PLCG2: variants seen among roughly 807,000 people sequenced by gnomAD.
PLCG2 encodes phospholipase C gamma 2, also known as 1-phosphatidylinositol 4,5-bisphosphate phosphodiesterase gamma-2.
In PLCG2, 69 loss-of-function variants were observed where a neutral mutation model predicts 175.6. That is an observed-to-expected ratio of 0.39 (90% CI 0.32 to 0.48). The LOEUF is 0.48. PLCG2 is among the 20% of genes least tolerant of loss of function. The probability of loss-of-function intolerance (pLI) is 0.91; values close to 1 mark genes in which losing one functional copy is unlikely to be tolerated. For synonymous variants in PLCG2, 827 were observed against 624.0 expected, an observed-to-expected ratio of 1.33 and a Z score of -4.85; for missense variants, 1,798 against 1,650.9, an observed-to-expected ratio of 1.09 and a Z score of -1.54.
At chr16:81,754,043 G>T (rs1333464773) in intron 1 of PLCG2, among the ~76,000 whole-genome samples, 1 of 152,080 alleles carries the variant, frequency 6.6e-6, no homozygotes, top group East Asian at 1.9e-4. Context: ...CCGGGGAGAA[G>T]ATTCTAGGAG....
chr16:81,830,426 C>G (rs913700133), intron 2 of PLCG2, among the ~76,000 whole-genome samples: 2 of 152,116 alleles, frequency 1.3e-5, no homozygotes, highest in African/African-American at 2.4e-5. Flanking sequence ...TGTGCCTCAG[C>G]CTTCCAAGTA....
intron 2 of PLCG2, among the ~76,000 whole-genome samples, chr16:81,834,661 A>G (rs550499426): frequency 2.2e-4 from 33 of 152,194 alleles, no homozygotes; most frequent in African/African-American, 7.5e-4. Flanking sequence ...CCTGAGAGGA[A>G]GATTCTGGTA....
At chr16:81,956,961 G>A in intron 32 of PLCG2, 82 bp downstream of exon 32, 2 of 1,238,336 alleles carry the variant, frequency 1.6e-6, no homozygotes, top group Non-Finnish European at 2.3e-6. Flanking sequence ...CAGGCTTCTG[G>A]AAAGCCCTCT....
intron 2 of PLCG2, among the ~76,000 whole-genome samples, chr16:81,817,251 G>A (rs954845521): frequency 2.0e-5 from 3 of 152,226 alleles, no homozygotes; most frequent in Non-Finnish European, 4.4e-5. Flanking sequence ...CCTCTAGGTG[G>A]AGAAGGACTA....
intron 2 of PLCG2, among the ~76,000 whole-genome samples, chr16:81,825,943 T>C (rs935150190): frequency 6.6e-6 from 1 of 152,158 alleles, no homozygotes; most frequent in Non-Finnish European, 1.5e-5. Flanking sequence ...TCAGATGGCA[T>C]TGGACCAGAG....
At chr16:81,925,625 C>A (rs751968900) in intron 22 of PLCG2, among the ~76,000 whole-genome samples, 61 of 152,300 alleles carry the variant, frequency 4.0e-4, no homozygotes, top group Non-Finnish European at 4.9e-4. Context: ...CAGTGACTTG[C>A]GCCTGTAATC....
At chr16:81,889,564 C>G (rs1400747748) in intron 10 of PLCG2, among the ~76,000 whole-genome samples, 1 of 151,898 alleles carries the variant, frequency 6.6e-6, no homozygotes, top group Non-Finnish European at 1.5e-5. Context: ...CACTTAGAGC[C>G]AGCTGAATGG....
intron 31 of PLCG2, among the ~76,000 whole-genome samples, chr16:81,948,973 C>G (rs932466719): frequency 6.6e-6 from 1 of 152,108 alleles, no homozygotes; most frequent in Admixed American, 6.5e-5. Flanking sequence ...TCAAAGACAT[C>G]CAAGGAGAGC....
chr16:81,879,223 G>C (rs560007160), intron 7 of PLCG2, among the ~76,000 whole-genome samples: 30 of 152,276 alleles, frequency 2.0e-4, no homozygotes, highest in African/African-American at 7.2e-4. Context: ...GTGGGGCTTT[G>C]GGCTTGGAAG....
At chr16:81,779,074 C>T (rs1457186405), upstream of PLCG2, among the ~76,000 whole-genome samples, 2 of 152,214 alleles carry the variant, frequency 1.3e-5, no homozygotes, top group African/African-American at 2.4e-5. Flanking sequence ...CAGGTAGCCT[C>T]CCCTCGGGTT....
rs117374883 is a variant in PLCG2, at chr16:81,962,332, A to C, written c.*4334A>C. On this transcript the variant is annotated 3_prime_UTR_variant, in exon 33 of 33. Transcript: ENST00000564138. ...GTAAAAGCTATCTTCTAACCAACAAAAAGTTAATAATTAGATTTGGAATTA... is the reference window on the plus strand; with the variant it reads ...GTAAAAGCTATCTTCTAACCAACAACAAGTTAATAATTAGATTTGGAATTA... 0.011 allele frequency: 2,335 copies of C among 205,546 alleles called. 33 individuals are homozygous for C. Among genetic ancestry groups the C allele is most frequent in the Non-Finnish European group, 0.018 (1,802 of 100,686 alleles). The allele number at this position is 205,546 out of a possible 1,614,324, so 12.7% of individuals were successfully genotyped here. A position where few individuals can be genotyped will look rare whatever the true frequency, so the allele number is the denominator to read the frequency against.
intron 2 of PLCG2, among the ~76,000 whole-genome samples, chr16:81,844,355 G>T (rs1597350438): frequency 6.6e-6 from 1 of 151,476 alleles, no homozygotes; most frequent in Non-Finnish European, 1.5e-5. Flanking sequence ...CACTCTTGTT[G>T]CCCAGGCCGG....
chr16:81,920,807 C>T (rs1024224578), intron 20 of PLCG2, among the ~76,000 whole-genome samples: 1 of 152,150 alleles, frequency 6.6e-6, no homozygotes, highest in Non-Finnish European at 1.5e-5. Context: ...GTAAATACTT[C>T]CATGGAGGTC....
intron 1 of PLCG2, among the ~76,000 whole-genome samples, chr16:81,744,375 G>C (rs1909662480): frequency 6.6e-6 from 1 of 151,876 alleles, no homozygotes; most frequent in African/African-American, 2.4e-5. Context: ...ATATTAGCCA[G>C]GATGGTCTCA....
intron 28 of PLCG2, chr16:81,938,364 G>C (rs1274908360): frequency 1.0e-5 from 2 of 195,324 alleles, no homozygotes; most frequent in Non-Finnish European, 2.1e-5. Context: ...TTTCTCCTAA[G>C]GTTAAGGGCG....
At chr16:81,942,701 G>C (rs1192140613) in intron 30 of PLCG2, among the ~76,000 whole-genome samples, 6 of 152,174 alleles carry the variant, frequency 3.9e-5, no homozygotes, top group Non-Finnish European at 7.4e-5. Context: ...GAGGCCGAGA[G>C]ACTATGACTT....
At chr16:81,801,029 G>T (rs992031750) in intron 2 of PLCG2, among the ~76,000 whole-genome samples, 10 of 152,076 alleles carry the variant, frequency 6.6e-5, no homozygotes, top group Non-Finnish European at 1.5e-4. Flanking sequence ...TCCCCTAGAG[G>T]GTCTGGAGAA....
intron 9 of PLCG2, among the ~76,000 whole-genome samples, chr16:81,888,643 A>G (rs1908488188): frequency 6.6e-6 from 1 of 152,208 alleles, no homozygotes; most frequent in Non-Finnish European, 1.5e-5. Context: ...ATGGGGAGGC[A>G]CAGAGACGGT....
intron 22 of PLCG2, among the ~76,000 whole-genome samples, chr16:81,923,798 C>T (rs1004426161): frequency 9.2e-5 from 14 of 152,108 alleles, no homozygotes; most frequent in Admixed American, 7.9e-4. Context: ...TAACAGGTAT[C>T]GACATATCAT....
Sources: allele counts gnomAD v4.1 joint callset (sites outside exome capture counted in the v4.1 genomes callset), GRCh38; gene constraint gnomAD v4.1.1; transcripts MANE v1.5; gene names NCBI Gene and HGNC (gene_info 2026-07-23, HGNC 2026-07-21).